PLCG1: variants seen among roughly 807,000 people sequenced by gnomAD.
PLCG1 encodes phospholipase C gamma 1.
In PLCG1, 71 loss-of-function variants were observed where a neutral mutation model predicts 177.8. The ratio of observed to expected loss-of-function variants is 0.40; its 90% CI spans 0.33 to 0.49. The LOEUF (loss-of-function observed/expected upper bound fraction) is 0.49. Ranked by LOEUF, PLCG1 falls within the 20% of genes least tolerant of loss-of-function variation. The pLI is 0.72. For missense variants in PLCG1, 1,281 were observed against 1,709.0 expected (o/e 0.75, Z 4.42); for synonymous variants, 658 against 647.9 (o/e 1.02, Z -0.24).
At position 41,172,428 on chromosome 20, in the gene PLCG1, C is replaced by G. The variant is rs2035932710; in HGVS notation, c.2913C>G (p.Gly971=). The G allele has an allele frequency of 6.2e-7, 1 of 1,613,844 alleles. No individual in the cohort carries two copies. The highest frequency in any genetic ancestry group is 8.5e-7 in the Non-Finnish European group (1 of 1,179,854). ...RPVPFDEEKI[G]TERACYRDMS... The stretch of plus-strand genomic sequence containing the variant: ...TTTCCCTGTTTGGCCCAGAGATTGG[C>G]ACAGAACGTGCTTGCTACCGGGACA... The change falls in exon 26 of 32, where the codon GGC becomes GGG. Residue 971 remains glycine (G), a synonymous_variant. Coordinates refer to ENST00000685551, the MANE Select transcript of PLCG1 (RefSeq NM_002660.3). The surrounding 1 kb of genome is among the most constrained non-coding windows in gnomAD (Gnocchi z 7.0).
rs1210647450 is a variant in PLCG1 at position 41,174,549 on chromosome 20, G to A, written c.*40G>A. 5.8e-6 allele frequency: 9 copies of A among 1,553,454 alleles called. No homozygotes were observed. The East Asian group carries it at 1.7e-4, about 29-fold the overall frequency. Reference sequence around the variant, plus strand: ...CGTTGGAGAGCAGCAGGTGCTGTGCGCCTTGTAGAATGCCGCGAACTGGGT... The same window carrying A: ...CGTTGGAGAGCAGCAGGTGCTGTGCACCTTGTAGAATGCCGCGAACTGGGT... On this transcript the variant is annotated 3_prime_UTR_variant, in exon 32 of 32. Transcript: ENST00000685551. The surrounding 1 kb of genome is among the most constrained non-coding windows in gnomAD (Gnocchi z 5.8).
At chr20:41,139,700 A>G (rs2034752520) in intron 1 of PLCG1, among the ~76,000 whole-genome samples, 1 of 152,220 alleles carries the variant, frequency 6.6e-6, no homozygotes, top group Non-Finnish European at 1.5e-5. Context: ...AGCTGTTATT[A>G]GCAATAACAT....
rs754043625 is a variant in PLCG1, at chr20:41,160,072, A to G, written c.465-34A>G. ...ATCTCCCAGGCCTGACTGTAGATGG[A>G]GAAGTGGCCCTCACCTCAGGCTTCT... On this transcript the variant is annotated intron_variant, in intron 3 of 31. Transcript: ENST00000685551. This position sits in a 1 kb window ranked among gnomAD's most constrained non-coding sequence, Gnocchi z 5.5. The G allele has an allele frequency of 6.2e-7, 1 of 1,613,038 alleles. No homozygotes were observed.
chr20:41,172,926 G>A lies in PLCG1; in HGVS notation c.3279+49G>A, dbSNP rs1162261437. ...CAGGGTAGGAAAGGGGCTGCTTGCCGTTGGAGTCTGTTTATGTTGAGTTCT... is the reference window on the plus strand; with the variant it reads ...CAGGGTAGGAAAGGGGCTGCTTGCCATTGGAGTCTGTTTATGTTGAGTTCT... On this transcript the variant is annotated intron_variant, in intron 27 of 31. Transcript: ENST00000685551. The surrounding 1 kb of genome is among the most constrained non-coding windows in gnomAD (Gnocchi z 7.0). 6 of 1,583,974 alleles carry A rather than the reference G, an allele frequency of 3.8e-6. No individual in the cohort carries two copies. The highest frequency in any genetic ancestry group is 1.7e-5 in the Admixed American group (1 of 58,096).
At chr20:41,138,617 G>A (rs930934542) in intron 1 of PLCG1, among the ~76,000 whole-genome samples, 1 of 152,208 alleles carries the variant, frequency 6.6e-6, no homozygotes, top group East Asian at 1.9e-4. Context: ...CCCCATAAAG[G>A]CCTGCCCCAG....
At position 41,169,975 on chromosome 20, in the gene PLCG1, A is replaced by C. The variant is rs930398775; in HGVS notation, c.2651-137A>C. ...CATCTGTCAAATGGGCCAGCAGAGTAGTCCTTCCCCTCATGGGGTGTGGGA... is the reference window on the plus strand; with the variant it reads ...CATCTGTCAAATGGGCCAGCAGAGTCGTCCTTCCCCTCATGGGGTGTGGGA... On this transcript the variant is annotated intron_variant, in intron 23 of 31. Transcript: ENST00000685551. 4.2e-5 allele frequency: 32 copies of C among 767,884 alleles called. No individual in the cohort carries two copies. In the African/African-American group the frequency reaches 4.3e-4, roughly 10 times the overall value. 47.6% of individuals were successfully genotyped at this position (767,884 alleles called of 1,614,324 possible).
Position 41,163,122 on chromosome 20 carries a change from G to T in PLCG1, c.717-81G>T. On this transcript the variant is annotated intron_variant, in intron 7 of 31. Coordinates refer to ENST00000685551, the MANE Select transcript of PLCG1 (RefSeq NM_002660.3). This position sits in a 1 kb window ranked among gnomAD's most constrained non-coding sequence, Gnocchi z 5.2. ...TGGACCATTCTGGGAAGCTGTGCTG[G>T]CTGGGAGTTGGGTTCTGCCTTCCGT... is the stretch of plus-strand genomic sequence containing the variant. 1 of 1,494,462 alleles carries T rather than the reference G, an allele frequency of 6.7e-7. No individual in the cohort carries two copies. The highest frequency in any genetic ancestry group is 9.2e-7 in the Non-Finnish European group (1 of 1,081,274). 92.6% of individuals were successfully genotyped at this position (1,494,462 alleles called of 1,614,324 possible).
In PLCG1 at chr20:41,157,204, C is replaced by CTGTGTGTG. The variant is rs35980938; in HGVS notation, c.218-2372_218-2365dup. Among the ~76,000 whole-genome samples, 17,801 of 143,858 alleles carry CTGTGTGTG rather than the reference C, an allele frequency of 0.12. 1,210 individuals carry two copies. Among genetic ancestry groups the CTGTGTGTG allele is most frequent in the East Asian group, 0.2 (961 of 4,758 alleles). The allele number at this position is 143,858 out of a possible 152,430, so 94.4% of individuals were successfully genotyped here. ...GTGCAGGAGTGCAGGCCTGTTGACTCTGTGTGTGTGTGTGTGTGTGTGTGT... is the reference window on the plus strand; with the variant it reads ...GTGCAGGAGTGCAGGCCTGTTGACTCTGTGTGTGTGTGTGTGTGTGTGTGTGTGTGTGT... On this transcript the variant is annotated intron_variant, in intron 1 of 31. Coordinates refer to ENST00000685551, the MANE Select transcript of PLCG1 (RefSeq NM_002660.3). The surrounding 1 kb of genome is among the most constrained non-coding windows in gnomAD (Gnocchi z 5.4).
chr20:41,169,354 C>T, intron 22 of PLCG1, 103 bp from the exon 23 acceptor site: 1 of 1,040,232 alleles, frequency 9.6e-7, no homozygotes, highest in East Asian at 2.4e-5. Context: ...ATTTGGCAGT[C>T]ACAGGTACAC....
chr20:41,173,552 G>A lies in PLCG1; in HGVS notation c.3394+18G>A. 1 of 1,613,926 alleles carries A rather than the reference G, an allele frequency of 6.2e-7. No homozygotes were observed. Among genetic ancestry groups the A allele is most frequent in the Non-Finnish European group, 8.5e-7 (1 of 1,179,978 alleles). ...GTTTGTGGGTCAGTCTGTCTTCCCAGTCATCCTCCTCATCCTGCTGGGGCA... is the reference window on the plus strand; with the variant it reads ...GTTTGTGGGTCAGTCTGTCTTCCCAATCATCCTCCTCATCCTGCTGGGGCA... On this transcript the variant is annotated intron_variant, in intron 28 of 31. Coordinates refer to ENST00000685551, the MANE Select transcript of PLCG1 (RefSeq NM_002660.3). This position sits in a 1 kb window ranked among gnomAD's most constrained non-coding sequence, Gnocchi z 6.2.
In PLCG1 at chr20:41,166,467, T is replaced by C. The variant is rs757706781; in HGVS notation, c.2001-9T>C. The C allele has an allele frequency of 7.4e-6, 12 of 1,613,854 alleles. No homozygotes were observed. The South Asian group carries it at 1.2e-4, about 16-fold the overall frequency. On this transcript the variant is annotated splice_polypyrimidine_tract_variant and intron_variant, in intron 17 of 31. Transcript: ENST00000685551. This position sits in a 1 kb window ranked among gnomAD's most constrained non-coding sequence, Gnocchi z 8.6. ...GGTGCTGGCCGGGCCTGACTCTGCC[T>C]GTTCTCAGGTGGTACCACGCGAGCC... is the stretch of plus-strand genomic sequence containing the variant.
intron 22 of PLCG1, 48 bp from the exon 23 acceptor site, chr20:41,169,409 A>G: frequency 7.2e-7 from 1 of 1,398,514 alleles, no homozygotes; most frequent in Non-Finnish European, 1.0e-6. Context: ...CCCCTCACAC[A>G]CATATGCAGT....
At position 41,165,882 on chromosome 20, in the gene PLCG1, C is replaced by T. The variant is rs2035670407; in HGVS notation, c.1799+56C>T. The T allele has an allele frequency of 7.5e-7, 1 of 1,336,512 alleles. No homozygotes were observed. The highest frequency in any genetic ancestry group is 1.3e-5 in the South Asian group (1 of 74,730). The allele number at this position is 1,336,512 out of a possible 1,614,324, so 82.8% of individuals were successfully genotyped here. The stretch of plus-strand genomic sequence containing the variant: ...AGTCAGCGTGTGTACACAGACATCA[C>T]ATCACCCAGAGATAATCAGTTAACA... On this transcript the variant is annotated intron_variant, in intron 16 of 31. Transcript: ENST00000685551. This position sits in a 1 kb window ranked among gnomAD's most constrained non-coding sequence, Gnocchi z 6.6.
Position 41,168,756 on chromosome 20 carries a change from C to T in PLCG1, c.2380-11C>T. 1 of 1,560,446 alleles carries T rather than the reference C, an allele frequency of 6.4e-7. No homozygotes were observed. Among genetic ancestry groups the T allele is most frequent in the Non-Finnish European group, 8.8e-7 (1 of 1,133,676 alleles). On this transcript the variant is annotated splice_polypyrimidine_tract_variant and intron_variant, in intron 20 of 31. Coordinates refer to ENST00000685551, the MANE Select transcript of PLCG1 (RefSeq NM_002660.3). Reference sequence around the variant, plus strand: ...CCTTTCTGCTCTGACTGGTGCTTCTCACCTCTGCAGTGTGCAGTCAAAGCC... The same window carrying T: ...CCTTTCTGCTCTGACTGGTGCTTCTTACCTCTGCAGTGTGCAGTCAAAGCC...
At position 41,159,169 on chromosome 20, in the gene PLCG1, A is replaced by C. The variant is rs756915207; in HGVS notation, c.218-437A>C. On this transcript the variant is annotated intron_variant, in intron 1 of 31. Transcript: ENST00000685551. This position sits in a 1 kb window ranked among gnomAD's most constrained non-coding sequence, Gnocchi z 6.0. ...GCACCAGTCCTCTGGGCCAGAGCCTACTTTCTCCCAGGGATCCTGAGGCCC... is the reference window on the plus strand; with the variant it reads ...GCACCAGTCCTCTGGGCCAGAGCCTCCTTTCTCCCAGGGATCCTGAGGCCC... 6.6e-6 allele frequency among the ~76,000 whole-genome samples: 1 copy of C among 152,152 alleles called. No homozygotes were observed. Among genetic ancestry groups the C allele is most frequent in the African/African-American group, 2.4e-5 (1 of 41,412 alleles).
rs778440987 is a variant in PLCG1, at chr20:41,170,255, A to C, written c.2794A>C (p.Thr932Pro). The C allele has an allele frequency of 6.2e-7, 1 of 1,613,950 alleles. No homozygotes were observed. The highest frequency in any genetic ancestry group is 1.3e-5 in the African/African-American group (1 of 74,892). Reference protein sequence around the residue: ...WVKKIREVAQTADARLTEGKI... With the variant: ...WVKKIREVAQPADARLTEGKI... ...GAAAAAGATCCGTGAAGTGGCCCAG[A>C]CAGCAGACGCCAGGGTGAGATTCTG... The change falls in exon 24 of 32, where the codon ACA (threonine) becomes CCA (proline). Residue 932 changes from threonine to proline, a missense_variant. Thr to Pro is a conservative substitution (Grantham distance 38). This residue lies in a region of PLCG1 where 723 missense variants were observed against 1,030.0 expected (regional missense o/e 0.70). Transcript: ENST00000685551.
At chr20:41,161,456 T>C (rs528169995) in intron 4 of PLCG1, among the ~76,000 whole-genome samples, 8 of 152,108 alleles carry the variant, frequency 5.3e-5, no homozygotes, top group Non-Finnish European at 1.2e-4. Context: ...GCTGTTCGTA[T>C]GCTGATGGGA....
chr20:41,155,551 G>A (rs933601680), intron 1 of PLCG1, among the ~76,000 whole-genome samples: 1 of 152,224 alleles, frequency 6.6e-6, no homozygotes, highest in African/African-American at 2.4e-5. Flanking sequence ...ACACAAGTCT[G>A]TAAGAGTCCC....
In PLCG1 at chr20:41,153,422, C is replaced by CT. The variant is rs796871815; in HGVS notation, c.218-6183dup. On this transcript the variant is annotated intron_variant, in intron 1 of 31. Transcript: ENST00000685551. This position sits in a 1 kb window ranked among gnomAD's most constrained non-coding sequence, Gnocchi z 5.1. ...ATCTTTCCCACCGCCTCCCAAGTAG[C>CT]TGGGACTACAGGCATGTGCTACCAT... 6.6e-6 allele frequency among the ~76,000 whole-genome samples: 1 copy of CT among 152,156 alleles called. No homozygotes were observed. Among genetic ancestry groups the CT allele is most frequent in the South Asian group, 2.1e-4 (1 of 4,822 alleles).
Sources: gnomAD v4.1 joint callset for allele counts (sites outside exome capture counted in the v4.1 genomes callset) on GRCh38, gnomAD v4.1.1 for gene constraint, gnomAD v4.1.1 regional missense constraint, Gnocchi (gnomAD v3.1) non-coding constraint, MANE v1.5 for transcripts, NCBI Gene and HGNC (gene_info 2026-07-23, HGNC 2026-07-21) for gene names.